Variants in VPS13B observed in about 807,000 individuals in gnomAD.
VPS13B encodes vacuolar protein sorting 13 homolog B.
VPS13B carries 285 observed loss-of-function variants against 426.4 expected under a neutral mutation model. The observed-to-expected ratio is 0.67, with a 90% CI of 0.61 to 0.74. The LOEUF (loss-of-function observed/expected upper bound fraction) is 0.74. Among genes scored for constraint, VPS13B ranks in the 30% least tolerant of loss-of-function variants. VPS13B has a pLI of 0.00. For missense variants in VPS13B, 4,537 were observed against 4,782.6 expected (o/e 0.95, Z 1.51); for synonymous variants, 1,676 against 1,676.4 (o/e 1.00, Z 0.01).
chr8:99,577,452 C>G, intron 32 of VPS13B, 38 bp from the exon 33 acceptor site: 1 of 1,611,864 alleles, frequency 6.2e-7, no homozygotes, highest in Non-Finnish European at 8.5e-7. Flanking sequence ...TGAAAGCTAT[C>G]ATGTTTCTTT....
intron 44 of VPS13B, among the ~76,000 whole-genome samples, chr8:99,817,329 C>T (rs1231825603): frequency 6.6e-6 from 1 of 152,010 alleles, no homozygotes; most frequent in East Asian, 1.9e-4. Context: ...TGGACTCCTA[C>T]ATGTCTGTCC....
intron 24 of VPS13B, among the ~76,000 whole-genome samples, chr8:99,477,360 T>C (rs1819753467): frequency 1.3e-5 from 2 of 152,208 alleles, no homozygotes; most frequent in African/African-American, 2.4e-5. Flanking sequence ...TGTTTGCTTT[T>C]TGTTTTTAAA....
rs1811581044 is a variant in VPS13B, at chr8:99,772,921, C to A, written c.7248-3854C>A. Among the ~76,000 whole-genome samples, 3 of 152,250 alleles carry A rather than the reference C, an allele frequency of 2.0e-5. No homozygotes were observed. In the South Asian group the frequency reaches 6.2e-4, roughly 32 times the overall value. ...GTGGGTAGGGGAGAATTTATGTGAACCAACGTTGAGAGACAGTGCCCCATT... is the reference window on the plus strand; with the variant it reads ...GTGGGTAGGGGAGAATTTATGTGAAACAACGTTGAGAGACAGTGCCCCATT... On this transcript the variant is annotated intron_variant, in intron 40 of 61. Coordinates refer to ENST00000357162, the MANE Select transcript of VPS13B (RefSeq NM_152564.5).
chr8:99,051,342 A>G (rs867925217), intron 3 of VPS13B, among the ~76,000 whole-genome samples: 3 of 152,074 alleles, frequency 2.0e-5, no homozygotes, highest in Admixed American at 6.6e-5. Context: ...ATGATTGTAG[A>G]TATGCGGCAT....
intron 17 of VPS13B, among the ~76,000 whole-genome samples, chr8:99,260,017 A>C (rs1817960679): frequency 6.6e-6 from 1 of 151,994 alleles, no homozygotes; most frequent in South Asian, 2.1e-4. Flanking sequence ...CAAGAGAGAC[A>C]CAAGATACTA....
rs565134448 is a variant in VPS13B at position 99,033,010 on chromosome 8, T to C, written c.148-5413T>C. Among the ~76,000 whole-genome samples the C allele has an allele frequency of 9.6e-4, 146 of 152,342 alleles. 1 individual carries two copies. Among genetic ancestry groups the C allele is most frequent in the African/African-American group, 3.2e-3 (134 of 41,586 alleles). On this transcript the variant is annotated intron_variant, in intron 2 of 61. Transcript: ENST00000357162. ...TTATTGTCACATATATTGCATCTTG[T>C]TAAAAGTTCAACTATACAATTTTAT...
chr8:99,768,296 A>G (rs1217701093), intron 40 of VPS13B, among the ~76,000 whole-genome samples: 2 of 152,206 alleles, frequency 1.3e-5, no homozygotes, highest in African/African-American at 4.8e-5. Context: ...AGTAACAGAA[A>G]AAAAACCATC....
At chr8:99,824,007 T>C in intron 51 of VPS13B, 29 bp downstream of exon 51, 1 of 1,606,728 alleles carries the variant, frequency 6.2e-7, no homozygotes. Flanking sequence ...TTCTTTTGTC[T>C]AAGTTTTGAT....
intron 17 of VPS13B, among the ~76,000 whole-genome samples, chr8:99,238,617 C>T (rs1272248903): frequency 3.9e-5 from 6 of 152,100 alleles, no homozygotes. Flanking sequence ...TATATTGATA[C>T]TTCATGTTAA....
intron 33 of VPS13B, among the ~76,000 whole-genome samples, chr8:99,592,690 A>T (rs1193629365): frequency 6.6e-6 from 1 of 152,154 alleles, no homozygotes; most frequent in African/African-American, 2.4e-5. Context: ...TAACCAAAAC[A>T]GCATGGTACT....
At chr8:99,214,893 T>C in intron 17 of VPS13B, among the ~76,000 whole-genome samples, 1 of 152,200 alleles carries the variant, frequency 6.6e-6, no homozygotes, top group Non-Finnish European at 1.5e-5. Flanking sequence ...ACCTCTGAGC[T>C]TCTCAAAAGA....
chr8:99,143,158 A>G lies in VPS13B; in HGVS notation c.1836A>G (p.Leu612=). 6.2e-7 allele frequency: 1 copy of G among 1,613,992 alleles called. No individual in the cohort carries two copies. The highest frequency in any genetic ancestry group is 8.5e-7 in the Non-Finnish European group (1 of 1,179,934). The change falls in exon 13 of 62, where the codon CTA becomes CTG. Residue 612 remains leucine, a synonymous_variant. Transcript: ENST00000357162. ...ATGAATATGAACCATATAGCAGGCTAAAATCAGGTTTGTTTCTGGATTAAT... is the reference window on the plus strand; with the variant it reads ...ATGAATATGAACCATATAGCAGGCTGAAATCAGGTTTGTTTCTGGATTAAT... The part of the protein sequence containing the change: ...LEHEYEPYSR[L]KSDIKDENET...
At chr8:99,418,763 C>T (rs188042611) in intron 21 of VPS13B, among the ~76,000 whole-genome samples, 5 of 152,200 alleles carry the variant, frequency 3.3e-5, no homozygotes, top group South Asian at 2.1e-4. Context: ...TAAAGGATGA[C>T]GAAATGTGAT....
chr8:99,028,432 G>C (rs1842266467), intron 2 of VPS13B, among the ~76,000 whole-genome samples: 1 of 146,450 alleles, frequency 6.8e-6, no homozygotes, highest in Admixed American at 6.7e-5. Context: ...CGGCTGGCGG[G>C]GCAGAGGGGC....
rs762463755 is a variant in VPS13B, at chr8:99,134,738, A to T, written c.1302+11A>T. On this transcript the variant is annotated intron_variant, in intron 9 of 61. Transcript: ENST00000357162. ...GGAACTACAGTTGAGGTAATCTTTCAATATTGAACCTGTATTTTTAAATAT... is the reference window on the plus strand; with the variant it reads ...GGAACTACAGTTGAGGTAATCTTTCTATATTGAACCTGTATTTTTAAATAT... 2.5e-6 allele frequency: 4 copies of T among 1,576,978 alleles called. No individual in the cohort carries two copies. The highest frequency in any genetic ancestry group is 3.5e-6 in the Non-Finnish European group (4 of 1,148,598).
chr8:99,592,449 T>C (rs1284725284), intron 33 of VPS13B, among the ~76,000 whole-genome samples: 2 of 152,094 alleles, frequency 1.3e-5, no homozygotes, highest in Non-Finnish European at 2.9e-5. Context: ...CCCATCTTTG[T>C]GGTTTTATCT....
At chr8:99,041,269 C>T (rs1842950126) in intron 3 of VPS13B, among the ~76,000 whole-genome samples, 1 of 152,086 alleles carries the variant, frequency 6.6e-6, no homozygotes, top group African/African-American at 2.4e-5. Context: ...TCAGTCATTG[C>T]CCTCACTTTT....
intron 30 of VPS13B, among the ~76,000 whole-genome samples, chr8:99,548,340 A>G (rs1264243169): frequency 6.6e-6 from 1 of 152,082 alleles, no homozygotes; most frequent in African/African-American, 2.4e-5. Flanking sequence ...AGGGAGCTGT[A>G]AAATTGTAAA....
chr8:99,857,698 A>G (rs1816622064), intron 56 of VPS13B, among the ~76,000 whole-genome samples: 1 of 152,122 alleles, frequency 6.6e-6, no homozygotes, highest in Non-Finnish European at 1.5e-5. Flanking sequence ...CAGTACCACC[A>G]TGTTGCATTC....
Sources: allele counts gnomAD v4.1 joint callset (sites outside exome capture counted in the v4.1 genomes callset), GRCh38; gene constraint gnomAD v4.1.1; transcripts MANE v1.5; gene names NCBI Gene and HGNC (gene_info 2026-07-23, HGNC 2026-07-21).